The following NRF1 variants were observed in gnomAD, a reference collection of about 807,000 sequenced individuals.
NRF1 encodes nuclear respiratory factor 1.
Under a neutral mutation model 58.5 loss-of-function variants are expected in NRF1, and 5 were observed. That is an observed-to-expected ratio of 0.09 (90% CI 0.04 to 0.18). The LOEUF is 0.18. Ranked by LOEUF, NRF1 falls within the 10% of genes least tolerant of loss-of-function variation. The probability of loss-of-function intolerance (pLI) is 1.00; values close to 1 mark genes in which losing one functional copy is unlikely to be tolerated. For missense variants in NRF1, 288 were observed against 657.7 expected, an observed-to-expected ratio of 0.44 and a Z score of 6.15; for synonymous variants, 224 against 246.7, an observed-to-expected ratio of 0.91 and a Z score of 0.86.
intron 1 of NRF1, among the ~76,000 whole-genome samples, chr7:129,638,620 TTATTC>T (rs1339704567): frequency 2.0e-5 from 3 of 152,242 alleles, no homozygotes; most frequent in African/African-American, 7.2e-5. Context: ...TATGGGATAA[TTATTC>T]TCTTCTCTAG....
chr7:129,719,533 C>T lies in NRF1; in HGVS notation c.1223+2157C>T, dbSNP rs1803269844. On this transcript the variant is annotated intron_variant, in intron 9 of 10. Coordinates refer to ENST00000393232, the MANE Select transcript of NRF1 (RefSeq NM_005011.5). ...ACACACACACACACACACACACACA[C>T]ACACACACACAACACATCTTCTCAG... Among the ~76,000 whole-genome samples, 3 of 149,402 alleles carry T rather than the reference C, an allele frequency of 2.0e-5. No individual in the cohort carries two copies. In the South Asian group the frequency reaches 6.4e-4, roughly 32 times the overall value.
At chr7:129,722,119 G>T (rs976704380) in intron 9 of NRF1, among the ~76,000 whole-genome samples, 1 of 152,190 alleles carries the variant, frequency 6.6e-6, no homozygotes, top group Non-Finnish European at 1.5e-5. Flanking sequence ...TCTAGGCTGG[G>T]CGTGGTGGCT....
At chr7:129,631,456 C>T (rs138961451) in intron 1 of NRF1, among the ~76,000 whole-genome samples, 6 of 152,018 alleles carry the variant, frequency 3.9e-5, no homozygotes, top group African/African-American at 9.6e-5. Flanking sequence ...TTTCTAGAAA[C>T]GAGGTCTCGC....
At chr7:129,687,910 A>G (rs951297344) in intron 4 of NRF1, among the ~76,000 whole-genome samples, 10 of 152,212 alleles carry the variant, frequency 6.6e-5, no homozygotes, top group Non-Finnish European at 1.2e-4. Flanking sequence ...TGCTTTGGTA[A>G]TACCTGAAGT....
chr7:129,704,758 T>G (rs1802911187), intron 5 of NRF1, among the ~76,000 whole-genome samples: 1 of 152,188 alleles, frequency 6.6e-6, no homozygotes, highest in South Asian at 2.1e-4. Flanking sequence ...AAATAAAGTT[T>G]TGACAGCGAC....
At chr7:129,694,557 A>G (rs1802643650) in intron 5 of NRF1, among the ~76,000 whole-genome samples, 1 of 152,078 alleles carries the variant, frequency 6.6e-6, no homozygotes, top group South Asian at 2.1e-4. Context: ...TAGTAGAGAC[A>G]GGGTTTCACC....
intron 4 of NRF1, among the ~76,000 whole-genome samples, chr7:129,687,245 C>T (rs1224566853): frequency 6.6e-6 from 1 of 150,822 alleles, no homozygotes; most frequent in Non-Finnish European, 1.5e-5. Flanking sequence ...TGAATTTTTG[C>T]CCCCAAGCAG....
intron 2 of NRF1, among the ~76,000 whole-genome samples, chr7:129,663,042 A>G (rs1013516740): frequency 1.3e-5 from 2 of 152,260 alleles, no homozygotes; most frequent in South Asian, 2.1e-4. Flanking sequence ...GAGTGGACAC[A>G]GCACATGTTT....
intron 4 of NRF1, among the ~76,000 whole-genome samples, chr7:129,686,100 T>G (rs1475155853): frequency 4.3e-4 from 39 of 90,290 alleles, no homozygotes; most frequent in Non-Finnish European, 6.7e-4. Flanking sequence ...GGACTGTATC[T>G]CAAAAAAAAA....
chr7:129,740,695 T>C (rs972200229), intron 10 of NRF1, among the ~76,000 whole-genome samples: 4 of 152,158 alleles, frequency 2.6e-5, no homozygotes, highest in African/African-American at 9.7e-5. Flanking sequence ...CTCATGAGAG[T>C]ATCTCCTGTC....
chr7:129,650,907 G>A (rs1263578807), intron 1 of NRF1, among the ~76,000 whole-genome samples: 2 of 152,134 alleles, frequency 1.3e-5, no homozygotes, highest in African/African-American at 4.8e-5. Flanking sequence ...ACTCCTCATG[G>A]AGGAAAGCTA....
intron 10 of NRF1, among the ~76,000 whole-genome samples, chr7:129,735,555 A>G (rs1001588967): frequency 2.6e-5 from 4 of 152,164 alleles, no homozygotes; most frequent in African/African-American, 9.7e-5. Flanking sequence ...ATAAAATAGA[A>G]TAAAAATTAA....
intron 3 of NRF1, among the ~76,000 whole-genome samples, chr7:129,677,424 T>A (rs2151086326): frequency 6.6e-6 from 1 of 152,298 alleles, no homozygotes; most frequent in Admixed American, 6.5e-5. Flanking sequence ...AGCAAAACCT[T>A]CAGTTGAGCC....
intron 4 of NRF1, among the ~76,000 whole-genome samples, chr7:129,679,442 GATATAT>G (rs1191570690): frequency 6.6e-6 from 1 of 152,134 alleles, no homozygotes; most frequent in African/African-American, 2.4e-5. Flanking sequence ...TAAAAAAACT[GATATAT>G]ATTGAGAATA....
chr7:129,683,479 G>A (rs574898612), intron 4 of NRF1, among the ~76,000 whole-genome samples: 6 of 151,418 alleles, frequency 4.0e-5, no homozygotes, highest in Admixed American at 1.3e-4. Context: ...ACAGGTGCGT[G>A]CCACCATGCC....
intron 1 of NRF1, among the ~76,000 whole-genome samples, chr7:129,647,349 A>T (rs1246126768): frequency 6.9e-6 from 1 of 145,970 alleles, no homozygotes; most frequent in Non-Finnish European, 1.5e-5. Context: ...AAAATCATCC[A>T]CTCATCCCTA....
At chr7:129,673,220 T>C (rs1477799265) in intron 3 of NRF1, among the ~76,000 whole-genome samples, 1 of 152,030 alleles carries the variant, frequency 6.6e-6, no homozygotes, top group Non-Finnish European at 1.5e-5. Flanking sequence ...GGTGAAAAGA[T>C]TGGAATAGCT....
intron 1 of NRF1, 107 bp downstream of exon 1, chr7:129,611,931 C>T (rs1162373857): frequency 6.7e-6 from 1 of 148,510 alleles, no homozygotes; most frequent in South Asian, 2.0e-4. Context: ...CACCCTGCCG[C>T]CCCCGGCTCT....
rs113957793 is a variant in NRF1 at position 129,747,315 on chromosome 7, C to A, written c.1349-7703C>A. 1.9e-3 allele frequency among the ~76,000 whole-genome samples: 294 copies of A among 152,312 alleles called. 2 individuals are homozygous for A. Among genetic ancestry groups the A allele is most frequent in the African/African-American group, 6.3e-3 (263 of 41,560 alleles). The stretch of plus-strand genomic sequence containing the variant: ...CCATCACTGTGTTTCAGAAGGGAAG[C>A]TGCCTGCCAGTCCATCTGCCCTGAT... On this transcript the variant is annotated intron_variant, in intron 10 of 10. Coordinates refer to ENST00000393232, the MANE Select transcript of NRF1 (RefSeq NM_005011.5).
Sources: allele counts gnomAD v4.1 joint callset (sites outside exome capture counted in the v4.1 genomes callset), GRCh38; gene constraint gnomAD v4.1.1; transcripts MANE v1.5; gene names NCBI Gene and HGNC (gene_info 2026-07-23, HGNC 2026-07-21).